The following PDCD6IP variants were observed in gnomAD, a reference collection of about 807,000 sequenced individuals.
The protein encoded by PDCD6IP is programmed cell death 6-interacting protein.
PDCD6IP carries 43 observed loss-of-function variants against 103.7 expected under a neutral mutation model. The ratio of observed to expected loss-of-function variants is 0.41; its 90% CI spans 0.32 to 0.53. PDCD6IP has a LOEUF of 0.53. PDCD6IP is among the 20% of genes least tolerant of loss of function. The probability of loss-of-function intolerance (pLI) is 0.16; values close to 1 mark genes in which losing one functional copy is unlikely to be tolerated. For missense variants in PDCD6IP, 871 were observed against 1,036.7 expected, an observed-to-expected ratio of 0.84 and a Z score of 2.20; for synonymous variants, 354 against 378.7, an observed-to-expected ratio of 0.93 and a Z score of 0.76.
At chr3:33,848,861 T>C (rs1415054725) in intron 12 of PDCD6IP, among the ~76,000 whole-genome samples, 1 of 152,210 alleles carries the variant, frequency 6.6e-6, no homozygotes, top group South Asian at 2.1e-4. Context: ...AGTTTTACAT[T>C]TTTAAAATGT....
intron 9 of PDCD6IP, among the ~76,000 whole-genome samples, chr3:33,840,063 C>A (rs958972725): frequency 1.3e-5 from 2 of 152,122 alleles, no homozygotes; most frequent in African/African-American, 4.8e-5. Context: ...GCTGACCCCC[C>A]TGCACAGTCA....
intron 3 of PDCD6IP, among the ~76,000 whole-genome samples, chr3:33,814,447 T>C (rs768700933): frequency 5.3e-5 from 8 of 151,862 alleles, no homozygotes; most frequent in Non-Finnish European, 1.0e-4. Context: ...TAGATTCTTA[T>C]GTGGATTAAA....
intron 1 of PDCD6IP, among the ~76,000 whole-genome samples, chr3:33,800,991 C>T (rs982906507): frequency 6.6e-6 from 1 of 152,128 alleles, no homozygotes; most frequent in Non-Finnish European, 1.5e-5. Context: ...AGGTAGTGGA[C>T]CTGTTGTAGA....
chr3:33,813,288 C>T (rs527326923), intron 2 of PDCD6IP: 15 of 257,246 alleles, frequency 5.8e-5, no homozygotes, highest in Admixed American at 2.0e-4. Context: ...TATTTTGTTC[C>T]GTTGAAGTCA....
At chr3:33,808,211 A>G (rs147632713) in intron 1 of PDCD6IP, among the ~76,000 whole-genome samples, 1 of 152,330 alleles carries the variant, frequency 6.6e-6, no homozygotes, top group East Asian at 1.9e-4. Context: ...AATCCTATGA[A>G]GAAAATGTTC....
Position 33,867,503 on chromosome 3 carries a change from C to T in PDCD6IP, c.*978C>T, listed in dbSNP as rs1282569206. On this transcript the variant is annotated 3_prime_UTR_variant, in exon 18 of 18. Transcript: ENST00000307296. ...TGTTAACTTAGTGACATTTAATGCC[C>T]AATATGTATGAATAGATCTAAGCCA... 1 of 152,100 alleles carries T rather than the reference C, an allele frequency of 6.6e-6. No individual in the cohort carries two copies. Among genetic ancestry groups the T allele is most frequent in the African/African-American group, 2.4e-5 (1 of 41,400 alleles). The allele number at this position is 152,100 out of a possible 1,614,324, so 9.4% of individuals were successfully genotyped here.
chr3:33,799,538 G>A (rs1336255994), intron 1 of PDCD6IP: 2 of 152,276 alleles, frequency 1.3e-5, no homozygotes, highest in African/African-American at 4.8e-5. Flanking sequence ...AACCGTTCAA[G>A]GTAGGTTGTT....
At chr3:33,826,405 A>C (rs1697124328) in intron 5 of PDCD6IP, 75 bp from the exon 6 acceptor site, 1 of 956,036 alleles carries the variant, frequency 1.0e-6, no homozygotes, top group Non-Finnish European at 1.6e-6. Context: ...CAAACTTGTG[A>C]CCTCAGTGTT....
intron 8 of PDCD6IP, 78 bp downstream of exon 8, chr3:33,836,344 A>ATT (rs1697348423): frequency 2.6e-6 from 2 of 766,792 alleles, no homozygotes; most frequent in Non-Finnish European, 4.5e-6. Context: ...AAATCACATA[A>ATT]TTGCTGTTGT....
At chr3:33,835,159 T>C (rs1250763750) in intron 7 of PDCD6IP, 1 of 454,228 alleles carries the variant, frequency 2.2e-6, no homozygotes. Flanking sequence ...GTATGCGGCT[T>C]ATGTTCATTT....
intron 1 of PDCD6IP, among the ~76,000 whole-genome samples, chr3:33,810,498 T>C (rs1026003850): frequency 6.6e-6 from 1 of 152,220 alleles, no homozygotes; most frequent in African/African-American, 2.4e-5. Flanking sequence ...ACTTGGCTCA[T>C]TTTAATGCAA....
At chr3:33,850,587 A>G (rs1288390037) in intron 12 of PDCD6IP, among the ~76,000 whole-genome samples, 1 of 151,968 alleles carries the variant, frequency 6.6e-6, no homozygotes, top group Non-Finnish European at 1.5e-5. Context: ...GTATATGTAT[A>G]TTTATTTTCT....
intron 1 of PDCD6IP, among the ~76,000 whole-genome samples, chr3:33,803,918 C>G (rs1696535097): frequency 6.6e-6 from 1 of 152,034 alleles, no homozygotes; most frequent in African/African-American, 2.4e-5. Flanking sequence ...GTATTGGTTG[C>G]ATCCTACTGA....
intron 7 of PDCD6IP, among the ~76,000 whole-genome samples, chr3:33,833,258 C>T (rs1697278963): frequency 6.6e-6 from 1 of 151,966 alleles, no homozygotes; most frequent in South Asian, 2.1e-4. Context: ...CCAGTATTAT[C>T]CACATCTAGT....
chr3:33,810,529 T>C (rs1195512294), intron 1 of PDCD6IP, among the ~76,000 whole-genome samples: 1 of 152,206 alleles, frequency 6.6e-6, no homozygotes, highest in Non-Finnish European at 1.5e-5. Context: ...GGGCAGTAGG[T>C]GTGCTTATTG....
intron 7 of PDCD6IP, among the ~76,000 whole-genome samples, chr3:33,835,749 C>T (rs925183728): frequency 6.6e-6 from 1 of 152,052 alleles, no homozygotes; most frequent in Non-Finnish European, 1.5e-5. Context: ...AGAAAGAACC[C>T]AACAGCCAGC....
intron 12 of PDCD6IP, among the ~76,000 whole-genome samples, chr3:33,848,030 T>C (rs1697631985): frequency 6.6e-6 from 1 of 152,208 alleles, no homozygotes; most frequent in Non-Finnish European, 1.5e-5. Context: ...AAGAGAATTG[T>C]TTAAAACTGT....
rs1489054931 is a variant in PDCD6IP, at chr3:33,869,698, T to G, written c.*3173T>G. 6.6e-6 allele frequency: 1 copy of G among 152,188 alleles called. No individual in the cohort carries two copies. Among genetic ancestry groups the G allele is most frequent in the East Asian group, 1.9e-4 (1 of 5,194 alleles). 9.4% of individuals were successfully genotyped at this position (152,188 alleles called of 1,614,324 possible). On this transcript the variant is annotated 3_prime_UTR_variant, in exon 18 of 18. Transcript: ENST00000307296. ...TATGCTAGAAATAAAAGTTGAAAGA[T>G]TCTTACTTCTTTGGAGTATGAATTC...
intron 3 of PDCD6IP, among the ~76,000 whole-genome samples, chr3:33,820,839 G>T (rs946655823): frequency 8.5e-5 from 13 of 152,214 alleles, no homozygotes; most frequent in South Asian, 8.3e-4. Flanking sequence ...TTGGCTTTGT[G>T]AATAATGCTG....
Sources: allele counts gnomAD v4.1 joint callset (sites outside exome capture counted in the v4.1 genomes callset), GRCh38; gene constraint gnomAD v4.1.1; transcripts MANE v1.5; gene names NCBI Gene and HGNC (gene_info 2026-07-23, HGNC 2026-07-21).